Variants in WDR31 observed in about 807,000 individuals in gnomAD.
WDR31 encodes the protein WD repeat-containing protein 31.
A neutral mutation model predicts 47.3 loss-of-function variants in WDR31; 30 were observed. The ratio of observed to expected loss-of-function variants is 0.63; its 90% CI spans 0.47 to 0.86. The LOEUF (loss-of-function observed/expected upper bound fraction) is 0.86. Ranked by LOEUF, WDR31 falls within the 40% of genes least tolerant of loss-of-function variation. The pLI, the probability that WDR31 is intolerant of heterozygous loss-of-function variation, is 0.00. For missense variants in WDR31, 406 were observed against 442.9 expected (o/e 0.92, Z 0.75); for synonymous variants, 137 against 159.4 (o/e 0.86, Z 1.06).
At chr9:113,339,666 T>C (rs1833787948) in intron 1 of WDR31, among the ~76,000 whole-genome samples, 1 of 152,194 alleles carries the variant, frequency 6.6e-6, no homozygotes, top group Non-Finnish European at 1.5e-5. Context: ...AGTTTTTCCT[T>C]TCTGTCGCTT....
chr9:113,318,342 C>A, intron 10 of WDR31, 133 bp downstream of exon 10: 1 of 1,009,074 alleles, frequency 9.9e-7, no homozygotes, highest in Admixed American at 2.0e-5. Flanking sequence ...TTGACATCAC[C>A]TCTTAAGCAT....
At chr9:113,317,358 C>A (rs1449531606) in intron 10 of WDR31, among the ~76,000 whole-genome samples, 1 of 152,212 alleles carries the variant, frequency 6.6e-6, no homozygotes, top group Non-Finnish European at 1.5e-5. Flanking sequence ...CTCCCTCCAT[C>A]TGCATCTTAG....
chr9:113,323,284 CG>C, intron 5 of WDR31, 129 bp from the exon 6 acceptor site: 1 of 1,207,560 alleles, frequency 8.3e-7, no homozygotes, highest in East Asian at 2.6e-5. Flanking sequence ...TTTTTTGAGA[CG>C]GAGTCTCACT....
At chr9:113,332,093 G>T in intron 2 of WDR31, 43 bp from the exon 3 acceptor site, 1 of 1,355,054 alleles carries the variant, frequency 7.4e-7, no homozygotes, top group Non-Finnish European at 1.0e-6. Context: ...ATTTTGTTAG[G>T]CACAATAGTA....
At chr9:113,321,716 G>T in intron 7 of WDR31, 138 bp from the exon 8 acceptor site, 1 of 769,428 alleles carries the variant, frequency 1.3e-6, no homozygotes. Flanking sequence ...AGGCATCTTA[G>T]GTTTTGCAGA....
chr9:113,331,237 AT>A, intron 3 of WDR31, 121 bp from the exon 4 acceptor site: 1 of 722,424 alleles, frequency 1.4e-6, no homozygotes, highest in Non-Finnish European at 2.0e-6. Flanking sequence ...AAGGAGAAAT[AT>A]TTAAAAAGGA....
At chr9:113,321,335 C>T (rs1220394061) in intron 8 of WDR31, 176 bp downstream of exon 8, 3 of 624,370 alleles carry the variant, frequency 4.8e-6, no homozygotes, top group Admixed American at 3.0e-5. Context: ...ACAACCTCTA[C>T]CTTAATGATC....
intron 7 of WDR31, 144 bp from the exon 8 acceptor site, chr9:113,321,722 G>A: frequency 1.4e-6 from 1 of 728,792 alleles, no homozygotes; most frequent in Non-Finnish European, 2.3e-6. Context: ...CTTAGGTTTT[G>A]CAGATACCTA....
chr9:113,338,147 T>A (rs961076279), intron 1 of WDR31, among the ~76,000 whole-genome samples: 2 of 149,284 alleles, frequency 1.3e-5, no homozygotes, highest in African/African-American at 4.9e-5. Flanking sequence ...TTAACAGTGA[T>A]CATACTGGAA....
chr9:113,331,791 G>A, intron 3 of WDR31, 116 bp downstream of exon 3: 3 of 911,394 alleles, frequency 3.3e-6, no homozygotes, highest in Non-Finnish European at 5.1e-6. Flanking sequence ...ACTATTCAGG[G>A]AAGGCCAACT....
chr9:113,314,131 G>C lies in WDR31; in HGVS notation c.*2618C>G, dbSNP rs1351474554. On this transcript the variant is annotated 3_prime_UTR_variant, in exon 11 of 11. Transcript: ENST00000374193. ...GCCGAGATTGCACCACTGCACTCCA[G>C]CCTGGGCGACAGAGCAAGATTCCAT... 5.8e-5 allele frequency: 7 copies of C among 120,166 alleles called. No individual in the cohort carries two copies. The highest frequency in any genetic ancestry group is 1.0e-4 in the Admixed American group (1 of 9,596). 7.4% of individuals were successfully genotyped at this position (120,166 alleles called of 1,614,324 possible). A position where few individuals can be genotyped will look rare whatever the true frequency, so the allele number is the denominator to read the frequency against.
chr9:113,332,121 C>G, intron 2 of WDR31, 71 bp from the exon 3 acceptor site: 1 of 1,092,784 alleles, frequency 9.2e-7, no homozygotes, highest in Admixed American at 2.2e-5. Context: ...GAAAATAAAT[C>G]CTTTTTTAGA....
intron 2 of WDR31, among the ~76,000 whole-genome samples, chr9:113,333,671 G>A (rs1331350456): frequency 2.0e-5 from 3 of 150,978 alleles, no homozygotes; most frequent in African/African-American, 4.9e-5. Context: ...GTGAGCCACC[G>A]CGCCCGGCCG....
intron 5 of WDR31, among the ~76,000 whole-genome samples, chr9:113,323,968 C>G (rs1833391908): frequency 6.6e-6 from 1 of 152,194 alleles, no homozygotes; most frequent in Admixed American, 6.5e-5. Context: ...TGTTTGTTTA[C>G]ATTTGCCTGA....
intron 10 of WDR31, 128 bp downstream of exon 10, chr9:113,318,347 A>G: frequency 9.4e-7 from 1 of 1,060,906 alleles, no homozygotes; most frequent in Admixed American, 2.0e-5. Context: ...ATCACCTCTT[A>G]AGCATGAGAC....
At chr9:113,326,469 C>T (rs1274261956) in intron 5 of WDR31, among the ~76,000 whole-genome samples, 4 of 150,456 alleles carry the variant, frequency 2.7e-5, no homozygotes, top group African/African-American at 9.8e-5. Context: ...TTTCCTCCCT[C>T]CTTCTTTCTT....
intron 8 of WDR31, 41 bp downstream of exon 8, chr9:113,321,470 A>T (rs1236999229): frequency 4.4e-6 from 7 of 1,602,990 alleles, no homozygotes; most frequent in Non-Finnish European, 6.0e-6. Context: ...GGAGCCACAA[A>T]CCTCACAAGA....
chr9:113,334,101 T>A (rs1833663859), intron 2 of WDR31, among the ~76,000 whole-genome samples: 1 of 151,968 alleles, frequency 6.6e-6, no homozygotes, highest in Non-Finnish European at 1.5e-5. Context: ...CCTCCTAGGC[T>A]TAGGTGATCC....
rs16932583 is a variant in WDR31, at chr9:113,316,091, A to T, written c.*658T>A. On this transcript the variant is annotated 3_prime_UTR_variant, in exon 11 of 11. Transcript: ENST00000374193. ...TGCCCATGTGGTTCTTGGCTGCTTC[A>T]AGCCATCTCAGGTCTGATTTTCACA... is the stretch of plus-strand genomic sequence containing the variant. 28,573 of 152,198 alleles carry T rather than the reference A, an allele frequency of 0.19. 4,031 individuals are homozygous for T. The highest frequency in any genetic ancestry group is 0.4 in the African/African-American group (16,428 of 41,490). The allele number at this position is 152,198 out of a possible 1,614,324, so 9.4% of individuals were successfully genotyped here. A position where few individuals can be genotyped will look rare whatever the true frequency, so the allele number is the denominator to read the frequency against.
Sources: gnomAD v4.1 joint callset for allele counts (sites outside exome capture counted in the v4.1 genomes callset) on GRCh38, gnomAD v4.1.1 for gene constraint, MANE v1.5 for transcripts, NCBI Gene and HGNC (gene_info 2026-07-23, HGNC 2026-07-21) for gene names.